Variants in BPIFC observed in about 807,000 individuals in gnomAD.
BPIFC encodes the protein BPI fold-containing family C protein.
A neutral mutation model predicts 57.6 loss-of-function variants in BPIFC; 60 were observed. That is an observed-to-expected ratio of 1.04 (90% confidence interval 0.85 to 1.29). The LOEUF (loss-of-function observed/expected upper bound fraction) is 1.29, where lower values mean the gene tolerates loss of function less well. Ranked by LOEUF, BPIFC falls within the 50% of genes most tolerant of loss-of-function variation. The pLI is 0.00. For missense variants in BPIFC, 581 were observed against 600.5 expected (o/e 0.97, Z 0.34); for synonymous variants, 243 against 224.5 (o/e 1.08, Z -0.74).
At chr22:32,424,264 G>T (rs1011599540) in intron 13 of BPIFC, among the ~76,000 whole-genome samples, 1 of 152,174 alleles carries the variant, frequency 6.6e-6, no homozygotes, top group Admixed American at 6.5e-5. Context: ...ATCCAGATAT[G>T]CCTGACTCCA....
intron 7 of BPIFC, 111 bp from the exon 8 acceptor site, chr22:32,442,842 C>T (rs1207268838): frequency 1.0e-6 from 1 of 997,492 alleles, no homozygotes; most frequent in African/African-American, 1.6e-5. Context: ...CAGTCATTAT[C>T]CCTTTGGTCA....
chr22:32,455,313 C>G (rs555339707), intron 3 of BPIFC, among the ~76,000 whole-genome samples: 1 of 151,936 alleles, frequency 6.6e-6, no homozygotes, highest in African/African-American at 2.4e-5. Flanking sequence ...CCTCCCAAAG[C>G]GTTGGGATTA....
In BPIFC at chr22:32,414,952, G is replaced by A. The variant is rs534202973; in HGVS notation, c.1402-527C>T. Among the ~76,000 whole-genome samples the A allele has an allele frequency of 5.9e-5, 9 of 152,344 alleles. No individual in the cohort carries two copies. In the South Asian group the frequency reaches 1.2e-3, roughly 21 times the overall value. On this transcript the variant is annotated intron_variant, in intron 16 of 16. Coordinates refer to ENST00000300399, the MANE Select transcript of BPIFC (RefSeq NM_174932.3). ...GTAGAAGCAGTGGGGGAGAAGCAGG[G>A]AAGTGGGAGAGCATGCACGGTAGTG...
intron 2 of BPIFC, among the ~76,000 whole-genome samples, 162 bp from the exon 3 acceptor site, chr22:32,457,548 ACCATCCATCCGT>A (rs1172927216): frequency 1.4e-5 from 2 of 140,900 alleles, no homozygotes; most frequent in African/African-American, 5.8e-5. Flanking sequence ...CATCCATCCA[ACCATCCATCCGT>A]CCATCCATCC....
rs1934310594 is a variant in BPIFC at position 32,433,724 on chromosome 22, A to G, written c.973T>C (p.Ser325Pro). 1.2e-6 allele frequency: 2 copies of G among 1,613,740 alleles called. No individual in the cohort carries two copies. Among genetic ancestry groups the G allele is most frequent in the South Asian group, 1.1e-5 (1 of 91,064 alleles). The change falls in exon 11 of 17, where the codon TCC (serine) becomes CCC (proline). Residue 325 changes from serine to proline, a missense_variant. Ser to Pro is a moderately conservative substitution (Grantham distance 74). Transcript: ENST00000300399. Reference sequence around the variant, plus strand: ...CTCAAACCCTGAGCACTTACCCGGGAGAGCACGTTGCCAAGGCCTTGAGAG... The same window carrying G: ...CTCAAACCCTGAGCACTTACCCGGGGGAGCACGTTGCCAAGGCCTTGAGAG... ...QNSQGLGNVLSRIAEIYILSQ... is the reference protein window; with the variant it reads ...QNSQGLGNVLPRIAEIYILSQ...
chr22:32,442,893 G>A (rs903090590), intron 7 of BPIFC, among the ~76,000 whole-genome samples, 162 bp from the exon 8 acceptor site: 3 of 152,130 alleles, frequency 2.0e-5, no homozygotes, highest in Admixed American at 6.5e-5. Context: ...TATGGGCCTC[G>A]CTTTACGTAG....
intron 13 of BPIFC, among the ~76,000 whole-genome samples, chr22:32,419,630 C>T (rs1204762768): frequency 6.6e-6 from 1 of 151,648 alleles, no homozygotes; most frequent in Non-Finnish European, 1.5e-5. Flanking sequence ...ATGGTGAAAC[C>T]CTGACTCTAC....
At chr22:32,442,568 G>T in intron 8 of BPIFC, 103 bp downstream of exon 8, 3 of 1,167,838 alleles carry the variant, frequency 2.6e-6, no homozygotes, top group Non-Finnish European at 3.8e-6. Context: ...TATGAAGCAG[G>T]ATGGATAGCT....
At chr22:32,442,922 T>C (rs1328904019) in intron 7 of BPIFC, among the ~76,000 whole-genome samples, 191 bp from the exon 8 acceptor site, 1 of 152,218 alleles carries the variant, frequency 6.6e-6, no homozygotes, top group Non-Finnish European at 1.5e-5. Context: ...GGTATGTCAC[T>C]GAATGCCAGC....
intron 8 of BPIFC, 60 bp from the exon 9 acceptor site, chr22:32,437,911 T>C: frequency 3.2e-6 from 3 of 948,488 alleles, no homozygotes; most frequent in East Asian, 2.6e-5. Context: ...GTATAATATA[T>C]GAATGATGTC....
intron 10 of BPIFC, among the ~76,000 whole-genome samples, chr22:32,434,639 G>T (rs1934342463): frequency 6.6e-6 from 1 of 152,018 alleles, no homozygotes; most frequent in Admixed American, 6.6e-5. Context: ...CACTTTTAGG[G>T]ATTACTGAGA....
chr22:32,431,364 G>A lies in BPIFC; in HGVS notation c.1200C>T (p.Cys400=), dbSNP rs751183186. The part of the protein sequence containing the change: ...GLVILGQRLV[C]SLSLNRFRLA... The stretch of plus-strand genomic sequence containing the variant: ...GATCTTACCTGTTCAGAGACAAGGA[G>A]CAGACCAGTCTTTGTCCCAAAATAA... The change falls in exon 13 of 17, where the codon TGC becomes TGT. Residue 400 remains cysteine (C), a synonymous_variant. Coordinates refer to ENST00000300399, the MANE Select transcript of BPIFC (RefSeq NM_174932.3). 2 of 1,611,952 alleles carry A rather than the reference G, an allele frequency of 1.2e-6. No individual in the cohort carries two copies. Among genetic ancestry groups the A allele is most frequent in the Admixed American group, 1.7e-5 (1 of 59,934 alleles).
chr22:32,420,089 G>A (rs547252807), intron 13 of BPIFC, among the ~76,000 whole-genome samples: 13 of 152,102 alleles, frequency 8.5e-5, no homozygotes, highest in African/African-American at 2.9e-4. Context: ...AGGCCGAGGC[G>A]GGCGGATCAT....
At chr22:32,425,081 C>G (rs2145919962) in intron 13 of BPIFC, among the ~76,000 whole-genome samples, 1 of 152,260 alleles carries the variant, frequency 6.6e-6, no homozygotes, top group Non-Finnish European at 1.5e-5. Flanking sequence ...CACGCCTGGC[C>G]TTGCCTTATT....
intron 3 of BPIFC, 107 bp downstream of exon 3, chr22:32,457,156 A>C (rs933979531): frequency 2.3e-6 from 3 of 1,312,928 alleles, no homozygotes; most frequent in Non-Finnish European, 3.1e-6. Flanking sequence ...ACCCCACAGT[A>C]CGGCGTTTCT....
At chr22:32,422,356 T>C (rs953582080) in intron 13 of BPIFC, among the ~76,000 whole-genome samples, 2 of 152,120 alleles carry the variant, frequency 1.3e-5, no homozygotes, top group Non-Finnish European at 2.9e-5. Context: ...AAGCAAGGTA[T>C]ACTCAGGTGC....
rs1556036435 is a variant in BPIFC at position 32,424,603 on chromosome 22, C to CTTCTTCTT, written c.1218-5200_1218-5199insAAGAAGAA. On this transcript the variant is annotated intron_variant, in intron 13 of 16. Coordinates refer to ENST00000300399, the MANE Select transcript of BPIFC (RefSeq NM_174932.3). The stretch of plus-strand genomic sequence containing the variant: ...TTCTTCTTCTTCTTCTTCTTCTTCT[C>CTTCTTCTT]CTCCTCCTCCTCCTCCTCCTCCTCC... Among the ~76,000 whole-genome samples the CTTCTTCTT allele has an allele frequency of 2.7e-3, 105 of 38,980 alleles. 8 individuals carry two copies. Among genetic ancestry groups the CTTCTTCTT allele is most frequent in the Middle Eastern group, 0.012 (1 of 86 alleles). The allele number at this position is 38,980 out of a possible 152,430, so 25.6% of individuals were successfully genotyped here. A position where few individuals can be genotyped will look rare whatever the true frequency, so the allele number is the denominator to read the frequency against.
intron 12 of BPIFC, among the ~76,000 whole-genome samples, chr22:32,431,632 A>G (rs1934245731): frequency 6.7e-6 from 1 of 149,420 alleles, no homozygotes; most frequent in African/African-American, 2.5e-5. Flanking sequence ...TCTCCTTTGA[A>G]TTTTTTTTTT....
chr22:32,438,519 G>A (rs946242857), intron 8 of BPIFC, among the ~76,000 whole-genome samples: 1 of 152,078 alleles, frequency 6.6e-6, no homozygotes, highest in African/African-American at 2.4e-5. Flanking sequence ...AGCCTTCCTA[G>A]TAGCTGAGAT....
Sources: gnomAD v4.1 joint callset for allele counts (sites outside exome capture counted in the v4.1 genomes callset) on GRCh38, gnomAD v4.1.1 for gene constraint, MANE v1.5 for transcripts, NCBI Gene and HGNC (gene_info 2026-07-23, HGNC 2026-07-21) for gene names.